The following UBE2D3 variants were observed in gnomAD, a reference collection of about 807,000 sequenced individuals.
UBE2D3 encodes ubiquitin-conjugating enzyme E2 D3.
In UBE2D3, 2 loss-of-function variants were observed where a neutral mutation model predicts 22.8. That is an observed-to-expected ratio of 0.09 (90% CI 0.04 to 0.28). The LOEUF (loss-of-function observed/expected upper bound fraction) is 0.28, where lower values mean the gene tolerates loss of function less well. Ranked by LOEUF, UBE2D3 falls within the 10% of genes least tolerant of loss-of-function variation. The pLI is 1.00. For synonymous variants in UBE2D3, 56 were observed against 60.4 expected (o/e 0.93, Z 0.34); for missense variants, 27 against 182.5 (o/e 0.15, Z 4.91).
intron 1 of UBE2D3, among the ~76,000 whole-genome samples, chr4:102,844,509 A>G (rs1482114070): frequency 1.3e-5 from 2 of 152,174 alleles, no homozygotes; most frequent in Non-Finnish European, 2.9e-5. Flanking sequence ...TGATCAGGAA[A>G]CCAAAATAAA....
chr4:102,825,693 A>T, intron 2 of UBE2D3: 2 of 760,924 alleles, frequency 2.6e-6, no homozygotes, highest in Non-Finnish European at 4.0e-6. Context: ...CAAGGGTGTT[A>T]TTAAATAGAA....
chr4:102,830,823 G>A (rs1240631270), upstream of UBE2D3, among the ~76,000 whole-genome samples: 1 of 152,146 alleles, frequency 6.6e-6, no homozygotes, highest in Non-Finnish European at 1.5e-5. Flanking sequence ...CTGTGATTGT[G>A]CCACTATACT....
intron 2 of UBE2D3, among the ~76,000 whole-genome samples, chr4:102,818,642 T>C (rs767934735): frequency 2.1e-4 from 32 of 152,244 alleles, no homozygotes; most frequent in Middle Eastern, 3.4e-3. Context: ...GGCAGGATTT[T>C]TTTCACCAAA....
intron 1 of UBE2D3, among the ~76,000 whole-genome samples, chr4:102,838,807 C>CAAAAAAAAAAAAAAAAAAAA (rs145975514): frequency 1.8e-5 from 1 of 54,312 alleles, no homozygotes; most frequent in Non-Finnish European, 3.5e-5. Context: ...CTGTGCTGGG[C>CAAAAAAAAAAAAAAAAAAAA]AAAAAAAAAA....
chr4:102,808,838 G>A (rs1484579852), intron 4 of UBE2D3, among the ~76,000 whole-genome samples: 1 of 151,890 alleles, frequency 6.6e-6, no homozygotes, highest in Admixed American at 6.6e-5. Flanking sequence ...TTGTTGATTC[G>A]ACTCATCTAC....
chr4:102,810,056 T>C (rs1727706084), intron 2 of UBE2D3: 1 of 542,598 alleles, frequency 1.8e-6, no homozygotes, highest in Non-Finnish European at 3.3e-6. Context: ...TTCGTAAAAA[T>C]ATATATGCAA....
chr4:102,802,690 A>T (rs772015594), intron 4 of UBE2D3, 52 bp from the exon 5 acceptor site: 2 of 1,392,538 alleles, frequency 1.4e-6, no homozygotes, highest in East Asian at 4.7e-5. Flanking sequence ...ATTGCTAAAT[A>T]TTCCGTAACA....
chr4:102,832,548 G>T (rs1450327770), upstream of UBE2D3, among the ~76,000 whole-genome samples: 2 of 152,094 alleles, frequency 1.3e-5, no homozygotes, highest in Non-Finnish European at 2.9e-5. Flanking sequence ...AAGAAAAACA[G>T]GATGTTAATG....
intron 1 of UBE2D3, among the ~76,000 whole-genome samples, chr4:102,838,496 T>C (rs1424203665): frequency 6.6e-6 from 1 of 152,220 alleles, no homozygotes; most frequent in Non-Finnish European, 1.5e-5. Flanking sequence ...TGTGATGACA[T>C]GACCCTTCAA....
At chr4:102,803,202 T>TA (rs1476055213) in intron 4 of UBE2D3, among the ~76,000 whole-genome samples, 11 of 152,216 alleles carry the variant, frequency 7.2e-5, no homozygotes, top group African/African-American at 2.4e-4. Flanking sequence ...TTAAAGAACT[T>TA]AGTCTAGTGT....
rs1371954466 is a variant in UBE2D3, at chr4:102,826,534, C to G, written c.-26G>C. ...AGTGTGTGCTTGTCGTCTGGCTCCT[C>G]ACTCTCTCGGTGTATGCTCAAAGGT... On this transcript the variant is annotated 5_prime_UTR_variant, in exon 2 of 8. Transcript: ENST00000453744. 2.5e-5 allele frequency: 40 copies of G among 1,612,740 alleles called. No homozygotes were observed. The highest frequency in any genetic ancestry group is 3.3e-5 in the Non-Finnish European group (39 of 1,180,008).
intron 1 of UBE2D3, chr4:102,827,116 C>T (rs1347441879): frequency 2.0e-6 from 2 of 986,630 alleles, no homozygotes; most frequent in Non-Finnish European, 1.2e-6. Context: ...TCGCAGCGAG[C>T]TATTCTGTGT....
intron 2 of UBE2D3, among the ~76,000 whole-genome samples, chr4:102,822,706 C>T (rs573746125): frequency 1.3e-5 from 2 of 148,358 alleles, no homozygotes; most frequent in South Asian, 2.1e-4. Flanking sequence ...GAGGCTGAGG[C>T]GGGTGGATCA....
chr4:102,809,483 T>G, intron 4 of UBE2D3, 189 bp downstream of exon 4: 1 of 638,166 alleles, frequency 1.6e-6, no homozygotes. Flanking sequence ...AACACAGGGA[T>G]AGACACAAAG....
Position 102,868,846 on chromosome 4 carries a change from CGAG to C in UBE2D3, c.-263_-261del, listed in dbSNP as rs2110388729. On this transcript the variant is annotated 5_prime_UTR_variant, in exon 1 of 8. Transcript: ENST00000338145. ...GGAGGGCCACCTTCACACGAGATTCCGAGGAGGGCCTCGCTACCCGCCAGTTCC... is the reference window on the plus strand; with the variant it reads ...GGAGGGCCACCTTCACACGAGATTCCGAGGGCCTCGCTACCCGCCAGTTCC... The C allele has an allele frequency of 1.1e-5, 17 of 1,558,980 alleles. No individual in the cohort carries two copies. In the South Asian group the frequency reaches 1.8e-4, roughly 16 times the overall value.
At chr4:102,813,039 C>G (rs1483039803) in intron 2 of UBE2D3, 1 of 150,462 alleles carries the variant, frequency 6.6e-6, no homozygotes, top group African/African-American at 2.4e-5. Context: ...TACACAAATA[C>G]GGACTAAGAA....
At chr4:102,846,950 G>A (rs75376481) in intron 1 of UBE2D3, among the ~76,000 whole-genome samples, 3,928 of 151,870 alleles carry the variant, frequency 0.026, 84 homozygotes, top group Non-Finnish European at 0.034. Flanking sequence ...AGCCCCAGCC[G>A]GTAAATTCTG....
chr4:102,846,351 T>G (rs1349260361), intron 1 of UBE2D3, among the ~76,000 whole-genome samples: 1 of 152,256 alleles, frequency 6.6e-6, no homozygotes, highest in Non-Finnish European at 1.5e-5. Flanking sequence ...TCTGGCATTT[T>G]GGCCATCTTA....
chr4:102,801,587 T>C (rs2110254682), intron 5 of UBE2D3, 28 bp from the exon 6 acceptor site: 1 of 1,530,668 alleles, frequency 6.5e-7, no homozygotes, highest in Non-Finnish European at 8.9e-7. Flanking sequence ...AAGTATTTTA[T>C]TCAAATAAAA....
Sources: allele counts gnomAD v4.1 joint callset (sites outside exome capture counted in the v4.1 genomes callset), GRCh38; gene constraint gnomAD v4.1.1; transcripts MANE v1.5; gene names NCBI Gene and HGNC (gene_info 2026-07-23, HGNC 2026-07-21).